Variants in C16orf87 observed in about 807,000 individuals in gnomAD.
C16orf87 encodes UPF0547 protein C16orf87.
C16orf87 carries 13 observed loss-of-function variants against 21.0 expected under a neutral mutation model. That is an observed-to-expected ratio of 0.62 (90% CI 0.40 to 0.98). C16orf87 has a LOEUF of 0.98. Among genes scored for constraint, C16orf87 ranks in the 50% least tolerant of loss-of-function variants. The pLI is 0.00. For synonymous variants in C16orf87, 49 were observed against 60.2 expected, an observed-to-expected ratio of 0.81 and a Z score of 0.86; for missense variants, 113 against 180.4, an observed-to-expected ratio of 0.63 and a Z score of 2.14.
chr16:46,823,739 C>T (rs368314283), intron 2 of C16orf87, among the ~76,000 whole-genome samples: 32 of 152,176 alleles, frequency 2.1e-4, no homozygotes, highest in African/African-American at 7.7e-4. Context: ...AACAAATCTC[C>T]ATACAAAGAC....
At chr16:46,822,402 C>G (rs1297094065) in intron 2 of C16orf87, among the ~76,000 whole-genome samples, 1 of 152,204 alleles carries the variant, frequency 6.6e-6, no homozygotes. Context: ...AAAATAGCTA[C>G]CGAGTGAATC....
intron 3 of C16orf87, 111 bp from the exon 4 acceptor site, chr16:46,803,181 C>A: frequency 4.0e-6 from 2 of 503,268 alleles, no homozygotes; most frequent in Non-Finnish European, 7.1e-6. Flanking sequence ...TATAATACTA[C>A]AATATACATT....
chr16:46,830,339 A>G (rs1959805975), intron 1 of C16orf87, among the ~76,000 whole-genome samples: 1 of 151,854 alleles, frequency 6.6e-6, no homozygotes, highest in Non-Finnish European at 1.5e-5. Context: ...AGACAGGGAT[A>G]CAGATCTGGA....
At chr16:46,829,377 C>T (rs1226726868) in intron 1 of C16orf87, among the ~76,000 whole-genome samples, 3 of 152,046 alleles carry the variant, frequency 2.0e-5, no homozygotes, top group African/African-American at 4.8e-5. Flanking sequence ...TTTTGTTGAA[C>T]AGTTTTTCAG....
intron 3 of C16orf87, chr16:46,807,982 C>G: frequency 2.2e-6 from 1 of 454,318 alleles, no homozygotes; most frequent in African/African-American, 2.0e-5. Flanking sequence ...CAGAAGCATT[C>G]TCTTCTTTCA....
At chr16:46,830,296 G>GAGAGAGAGAGAGAA (rs1567320136) in intron 1 of C16orf87, among the ~76,000 whole-genome samples, 1 of 146,562 alleles carries the variant, frequency 6.8e-6, no homozygotes. Context: ...GAGAGAGAGA[G>GAGAGAGAGAGAGAA]AGAGAGAGAG....
At chr16:46,824,317 G>A in intron 2 of C16orf87, 69 bp downstream of exon 2, 3 of 755,216 alleles carry the variant, frequency 4.0e-6, no homozygotes, top group Non-Finnish European at 6.7e-6. Context: ...AATGTAAATA[G>A]AAACTTCACA....
intron 3 of C16orf87, among the ~76,000 whole-genome samples, chr16:46,807,779 C>T (rs1596807983): frequency 6.6e-6 from 1 of 152,182 alleles, no homozygotes; most frequent in African/African-American, 2.4e-5. Context: ...AAATAGCTTT[C>T]TTAAAATTTT....
chr16:46,831,062 G>T, intron 1 of C16orf87, 22 bp downstream of exon 1: 1 of 1,555,166 alleles, frequency 6.4e-7, no homozygotes, highest in South Asian at 1.2e-5. Flanking sequence ...GCCCGCCCGC[G>T]CGCCCGGCCC....
At chr16:46,808,667 TAGAG>T (rs1309041064) in intron 3 of C16orf87, among the ~76,000 whole-genome samples, 3 of 152,140 alleles carry the variant, frequency 2.0e-5, no homozygotes, top group African/African-American at 4.8e-5. Context: ...TTTGTGGACA[TAGAG>T]AGGTTCATTA....
At chr16:46,807,774 GCTTT>G (rs1457267017) in intron 3 of C16orf87, among the ~76,000 whole-genome samples, 1 of 152,144 alleles carries the variant, frequency 6.6e-6, no homozygotes, top group African/African-American at 2.4e-5. Flanking sequence ...TCTAGAAATA[GCTTT>G]CTTAAAATTT....
rs1967720972 is a variant in C16orf87 at position 46,799,863 on chromosome 16, T to G, written c.*3089A>C. 6.6e-6 allele frequency: 1 copy of G among 152,198 alleles called. No individual in the cohort carries two copies. The highest frequency in any genetic ancestry group is 2.4e-5 in the African/African-American group (1 of 41,434). 9.4% of individuals were successfully genotyped at this position (152,198 alleles called of 1,614,324 possible). A position where few individuals can be genotyped will look rare whatever the true frequency, so the allele number is the denominator to read the frequency against. On this transcript the variant is annotated 3_prime_UTR_variant, in exon 4 of 4. Transcript: ENST00000285697. ...CATGTTGCCCAGGCTGGTCTCAAAC[T>G]CCTGGCTTCAAACAACTCTCCTGCC...
In C16orf87 at chr16:46,796,968, G is replaced by A. The variant is rs1178064562; in HGVS notation, c.*5984C>T. 2.6e-5 allele frequency: 4 copies of A among 152,128 alleles called. No homozygotes were observed. The highest frequency in any genetic ancestry group is 2.6e-4 in the Admixed American group (4 of 15,272). 9.4% of individuals were successfully genotyped at this position (152,128 alleles called of 1,614,324 possible). On this transcript the variant is annotated 3_prime_UTR_variant, in exon 4 of 4. Transcript: ENST00000285697. ...AGACAAAGATTCCTGAAAATACTCA[G>A]AGAAAAATAACATGTTTCATACAGG...
chr16:46,804,143 A>C (rs1056146372), intron 3 of C16orf87, among the ~76,000 whole-genome samples: 1 of 152,284 alleles, frequency 6.6e-6, no homozygotes, highest in Non-Finnish European at 1.5e-5. Flanking sequence ...CTAGTTGTAT[A>C]AATTGTTTTT....
At chr16:46,825,850 G>A (rs1455536959) in intron 1 of C16orf87, among the ~76,000 whole-genome samples, 2 of 150,448 alleles carry the variant, frequency 1.3e-5, no homozygotes, top group African/African-American at 4.9e-5. Flanking sequence ...GAAGGCAGAG[G>A]TTGCAGTGAG....
intron 2 of C16orf87, among the ~76,000 whole-genome samples, chr16:46,819,627 T>C (rs1258812378): frequency 1.3e-5 from 2 of 151,886 alleles, no homozygotes; most frequent in Admixed American, 6.6e-5. Context: ...CTTAACACAG[T>C]GTTACTGCTA....
At chr16:46,803,696 A>T (rs1438306267) in intron 3 of C16orf87, among the ~76,000 whole-genome samples, 1 of 151,620 alleles carries the variant, frequency 6.6e-6, no homozygotes, top group Admixed American at 6.6e-5. Flanking sequence ...TATAATTTAC[A>T]ATCAAATCAT....
chr16:46,820,105 AAAT>A (rs1959357593), intron 2 of C16orf87, among the ~76,000 whole-genome samples: 1 of 152,232 alleles, frequency 6.6e-6, no homozygotes, highest in African/African-American at 2.4e-5. Context: ...ACGAAGGTAT[AAAT>A]AATTGATTGG....
intron 2 of C16orf87, among the ~76,000 whole-genome samples, chr16:46,814,993 A>C (rs1025005805): frequency 2.6e-5 from 4 of 152,210 alleles, no homozygotes; most frequent in African/African-American, 4.8e-5. Flanking sequence ...AGCTATAATA[A>C]TCAAAACAGT....
Sources: gnomAD v4.1 joint callset for allele counts (sites outside exome capture counted in the v4.1 genomes callset) on GRCh38, gnomAD v4.1.1 for gene constraint, MANE v1.5 for transcripts, NCBI Gene and HGNC (gene_info 2026-07-23, HGNC 2026-07-21) for gene names.